Variants in LOC128092253 observed in about 807,000 individuals in gnomAD.
the LOC128092253 span, among the ~76,000 whole-genome samples, chr6:133,977,839 A>T: frequency 6.6e-6 from 1 of 152,196 alleles, no homozygotes; most frequent in African/African-American, 2.4e-5. Context: ...TCGTGGTGCA[A>T]AATTGGCTAC....
At chr6:133,963,116 TG>T in the LOC128092253 span, among the ~76,000 whole-genome samples, 1 of 152,200 alleles carries the variant, frequency 6.6e-6, no homozygotes, top group Non-Finnish European at 1.5e-5. Context: ...CAGATTATGC[TG>T]GTTTAAAAGC....
the LOC128092253 span, among the ~76,000 whole-genome samples, chr6:133,960,740 A>G: frequency 3.3e-5 from 5 of 152,336 alleles, no homozygotes; most frequent in East Asian, 7.7e-4. Flanking sequence ...AATGGTTGAT[A>G]TCTTGGAAGT....
At chr6:133,973,043 C>T in the LOC128092253 span, among the ~76,000 whole-genome samples, 5 of 152,154 alleles carry the variant, frequency 3.3e-5, no homozygotes, top group Non-Finnish European at 1.5e-5. Flanking sequence ...GAAAGAACAT[C>T]GTTCTAAAAG....
chr6:133,973,253 T>A, the LOC128092253 span, among the ~76,000 whole-genome samples: 1 of 152,192 alleles, frequency 6.6e-6, no homozygotes, highest in African/African-American at 2.4e-5. Flanking sequence ...GTTCCTATTG[T>A]GTTTGCAAAT....
the LOC128092253 span, among the ~76,000 whole-genome samples, chr6:133,979,526 C>A: frequency 1.3e-5 from 2 of 152,096 alleles, no homozygotes; most frequent in Non-Finnish European, 2.9e-5. Context: ...TGGCAAGCTC[C>A]TGTCAAGTAA....
chr6:133,959,180 CA>C, the LOC128092253 span, among the ~76,000 whole-genome samples: 1 of 152,118 alleles, frequency 6.6e-6, no homozygotes, highest in Non-Finnish European at 1.5e-5. Context: ...GTTGGGATTA[CA>C]GGCATGCGCC....
the LOC128092253 span, among the ~76,000 whole-genome samples, chr6:133,965,183 A>G: frequency 2.6e-5 from 4 of 152,226 alleles, no homozygotes; most frequent in African/African-American, 4.8e-5. Flanking sequence ...TTTAATGGCT[A>G]AATTAGTCTT....
At chr6:133,956,986 G>A in the LOC128092253 span, among the ~76,000 whole-genome samples, 5 of 152,146 alleles carry the variant, frequency 3.3e-5, no homozygotes, top group South Asian at 2.1e-4. Flanking sequence ...GAAGACAGAT[G>A]GAGTTTGTGT....
the LOC128092253 span, among the ~76,000 whole-genome samples, chr6:133,966,088 CAG>C: frequency 2.0e-4 from 30 of 152,106 alleles, no homozygotes; most frequent in Admixed American, 1.4e-3. Flanking sequence ...CAGAAAGAAA[CAG>C]AGAGAGAGTG....
At chr6:133,978,289 T>C in the LOC128092253 span, among the ~76,000 whole-genome samples, 1 of 152,236 alleles carries the variant, frequency 6.6e-6, no homozygotes, top group East Asian at 1.9e-4. Context: ...ACTGTTACAA[T>C]ATCCTAGATA....
At chr6:133,969,251 C>CT in the LOC128092253 span, among the ~76,000 whole-genome samples, 1,896 of 122,548 alleles carry the variant, frequency 0.015, 34 homozygotes, top group East Asian at 0.074. Context: ...ATAAAATACA[C>CT]TTTTTTTTTT....
chr6:133,958,950 G>C, the LOC128092253 span, among the ~76,000 whole-genome samples: 1 of 152,096 alleles, frequency 6.6e-6, no homozygotes, highest in African/African-American at 2.4e-5. Flanking sequence ...TTGTTTTCCT[G>C]TTTAAGAGAG....
chr6:133,966,170 A>G, the LOC128092253 span, among the ~76,000 whole-genome samples: 1 of 152,142 alleles, frequency 6.6e-6, no homozygotes, highest in Non-Finnish European at 1.5e-5. Flanking sequence ...TCAAGCTTAC[A>G]GTTAAACTCT....
the LOC128092253 span, among the ~76,000 whole-genome samples, chr6:133,977,279 CA>C: frequency 2.2e-3 from 329 of 152,246 alleles, 9 homozygotes; most frequent in East Asian, 0.047. Flanking sequence ...TCAGGTTACT[CA>C]TATTATAAAA....
the LOC128092253 span, among the ~76,000 whole-genome samples, chr6:133,954,857 G>A: frequency 5.9e-5 from 9 of 152,194 alleles, no homozygotes; most frequent in Admixed American, 5.9e-4. Flanking sequence ...ATGTGCCCTT[G>A]ATTGGGCTGG....
the LOC128092253 span, among the ~76,000 whole-genome samples, chr6:133,955,447 A>G: frequency 2.6e-5 from 4 of 151,758 alleles, no homozygotes; most frequent in South Asian, 2.1e-4. Context: ...CATTTTCAAC[A>G]TGTGTCCTTC....
the LOC128092253 span, among the ~76,000 whole-genome samples, chr6:133,962,906 AC>A: frequency 6.6e-6 from 1 of 152,210 alleles, no homozygotes; most frequent in African/African-American, 2.4e-5. Context: ...TAAGGAACAG[AC>A]AGAGAAGTAT....
chr6:133,957,148 A>C, the LOC128092253 span, among the ~76,000 whole-genome samples: 2 of 152,180 alleles, frequency 1.3e-5, no homozygotes, highest in African/African-American at 2.4e-5. Context: ...GAAGCATGCT[A>C]TGGATCCCAT....
chr6:133,976,613 C>T, the LOC128092253 span, among the ~76,000 whole-genome samples: 1 of 152,120 alleles, frequency 6.6e-6, no homozygotes, highest in Non-Finnish European at 1.5e-5. Flanking sequence ...TTTAGTTAGA[C>T]CTGTTTAACC....
Sources: allele counts gnomAD v4.1 joint callset (sites outside exome capture counted in the v4.1 genomes callset), GRCh38; gene constraint gnomAD v4.1.1; transcripts MANE v1.5.